NXPH3: variants seen among roughly 807,000 people sequenced by gnomAD.
NXPH3 encodes neurexophilin 3.
NXPH3 carries 7 observed loss-of-function variants against 18.8 expected under a neutral mutation model. The observed-to-expected ratio is 0.37, with a 90% CI of 0.21 to 0.70. The LOEUF is 0.70. NXPH3 is among the 30% of genes least tolerant of loss of function. NXPH3 has a pLI of 0.53. For synonymous variants in NXPH3, 101 were observed against 137.3 expected (o/e 0.74, Z 1.85); for missense variants, 282 against 338.1 (o/e 0.83, Z 1.30).
Position 49,581,716 on chromosome 17 carries a change from G to A in NXPH3, c.*2416G>A, listed in dbSNP as rs1597889402. On this transcript the variant is annotated 3_prime_UTR_variant, in exon 2 of 2. Coordinates refer to ENST00000328741, the MANE Select transcript of NXPH3 (RefSeq NM_007225.4). Reference sequence around the variant, plus strand: ...GTTCAGCCTCCCACAGTGCTGTGGAGACTGCAGGAAGGAGGAGGAAGCAAT... The same window carrying A: ...GTTCAGCCTCCCACAGTGCTGTGGAAACTGCAGGAAGGAGGAGGAAGCAAT... The A allele has an allele frequency of 4.3e-6, 3 of 702,586 alleles. No individual in the cohort carries two copies. The highest frequency in any genetic ancestry group is 5.4e-5 in the East Asian group (2 of 37,284). The allele number at this position is 702,586 out of a possible 1,614,324, so 43.5% of individuals were successfully genotyped here. A position where few individuals can be genotyped will look rare whatever the true frequency, so the allele number is the denominator to read the frequency against.
In NXPH3 at chr17:49,576,095, G is replaced by T. The variant is rs1178644065; in HGVS notation, c.-125G>T. The T allele has an allele frequency of 8.3e-7, 1 of 1,205,752 alleles. No homozygotes were observed. The highest frequency in any genetic ancestry group is 1.5e-5 in the African/African-American group (1 of 66,480). 74.7% of individuals were successfully genotyped at this position (1,205,752 alleles called of 1,614,324 possible). On this transcript the variant is annotated 5_prime_UTR_variant, in exon 1 of 2. Transcript: ENST00000328741. ...GTCGGCCCTGGGCGACCCGCTGAGG[G>T]GAGGGCCGCGGGCCGCCGGGGACTG... is the stretch of plus-strand genomic sequence containing the variant.
chr17:49,576,469 G>A (rs535708482), intron 1 of NXPH3, among the ~76,000 whole-genome samples, 196 bp downstream of exon 1: 1 of 152,110 alleles, frequency 6.6e-6, no homozygotes, highest in South Asian at 2.1e-4. Context: ...GCGGGGAGAG[G>A]GTGCTTGGCT....
chr17:49,576,065 GCGGGGT>G lies in NXPH3; in HGVS notation c.-151_-146del. 1 of 779,018 alleles carries G rather than the reference GCGGGGT, an allele frequency of 1.3e-6. No homozygotes were observed. The highest frequency in any genetic ancestry group is 2.1e-6 in the Non-Finnish European group (1 of 483,576). 48.3% of individuals were successfully genotyped at this position (779,018 alleles called of 1,614,324 possible). A position where few individuals can be genotyped will look rare whatever the true frequency, so the allele number is the denominator to read the frequency against. ...CGGCTGCACAGCTGGACCGAAGGGG[GCGGGGT>G]CGGCCCTGGGCGACCCGCTGAGGGG... On this transcript the variant is annotated 5_prime_UTR_variant, in exon 1 of 2. Transcript: ENST00000328741.
Position 49,578,893 on chromosome 17 carries a change from G to A in NXPH3, c.352G>A (p.Val118Ile), listed in dbSNP as rs146367019. Residue 118 changes from valine to isoleucine, a missense_variant, in exon 2 of 2, where the codon GTC (valine) becomes ATC (isoleucine). By Grantham distance (29) the Val-to-Ile change is conservative (BLOSUM62 3). Transcript: ENST00000328741. The surrounding 1 kb of genome is among the most constrained non-coding windows in gnomAD (Gnocchi z 4.5). ...CAAGACGGTGGCCCTGAACCTGCTCGTCACAGGGAAGATTGTGGACCATGG... is the reference window on the plus strand; with the variant it reads ...CAAGACGGTGGCCCTGAACCTGCTCATCACAGGGAAGATTGTGGACCATGG... ...NIKTVALNLLVTGKIVDHGNG... is the reference protein window; with the variant it reads ...NIKTVALNLLITGKIVDHGNG... 2.9e-5 allele frequency: 47 copies of A among 1,614,100 alleles called. No individual in the cohort carries two copies. The highest frequency in any genetic ancestry group is 2.7e-4 in the African/African-American group (20 of 75,018).
In NXPH3 at chr17:49,580,773, C is replaced by T. The variant is rs1270009797; in HGVS notation, c.*1473C>T. 1 of 152,566 alleles carries T rather than the reference C, an allele frequency of 6.6e-6. No homozygotes were observed. Among genetic ancestry groups the T allele is most frequent in the Non-Finnish European group, 1.5e-5 (1 of 68,286 alleles). 9.5% of individuals were successfully genotyped at this position (152,566 alleles called of 1,614,324 possible). ...CTCTGGCTTTCTTTCTTTGTTTCTT[C>T]CTCTATGACATGAAGGGCTTGCCCA... On this transcript the variant is annotated 3_prime_UTR_variant, in exon 2 of 2. Transcript: ENST00000328741.
In NXPH3 at chr17:49,578,535, T is replaced by G. The variant is rs1346369998; in HGVS notation, c.55-61T>G. 1 of 1,329,634 alleles carries G rather than the reference T, an allele frequency of 7.5e-7. No individual in the cohort carries two copies. Among genetic ancestry groups the G allele is most frequent in the Non-Finnish European group, 1.0e-6 (1 of 973,416 alleles). The allele number at this position is 1,329,634 out of a possible 1,614,324, so 82.4% of individuals were successfully genotyped here. On this transcript the variant is annotated intron_variant, in intron 1 of 1. Transcript: ENST00000328741. The surrounding 1 kb of genome is among the most constrained non-coding windows in gnomAD (Gnocchi z 4.5). ...GTGGCAGGGACAGGGGTACTGCTGG[T>G]AGCGGGGGTGGTGGACCTCCAGGGA...
chr17:49,581,873 CG>C lies in NXPH3; in HGVS notation c.*2575del. On this transcript the variant is annotated 3_prime_UTR_variant, in exon 2 of 2. Coordinates refer to ENST00000328741, the MANE Select transcript of NXPH3 (RefSeq NM_007225.4). ...AGATGCTGGCGACAGCTGGAGGGCC[CG>C]GCCTTCCTGGCACACAGTTCTGCCT... 1 of 671,304 alleles carries C rather than the reference CG, an allele frequency of 1.5e-6. No individual in the cohort carries two copies. The highest frequency in any genetic ancestry group is 2.7e-6 in the Non-Finnish European group (1 of 371,966). 41.6% of individuals were successfully genotyped at this position (671,304 alleles called of 1,614,324 possible). A position where few individuals can be genotyped will look rare whatever the true frequency, so the allele number is the denominator to read the frequency against.
rs1424893826 is a variant in NXPH3 at position 49,581,877 on chromosome 17, C to A, written c.*2577C>A. ...GCTGGCGACAGCTGGAGGGCCCGGCCTTCCTGGCACACAGTTCTGCCTGCA... is the reference window on the plus strand; with the variant it reads ...GCTGGCGACAGCTGGAGGGCCCGGCATTCCTGGCACACAGTTCTGCCTGCA... On this transcript the variant is annotated 3_prime_UTR_variant, in exon 2 of 2. Transcript: ENST00000328741. 4.5e-6 allele frequency: 3 copies of A among 668,086 alleles called. No homozygotes were observed. Among genetic ancestry groups the A allele is most frequent in the East Asian group, 5.4e-5 (2 of 37,096 alleles). 41.4% of individuals were successfully genotyped at this position (668,086 alleles called of 1,614,324 possible).
intron 1 of NXPH3, chr17:49,577,797 T>A (rs987524589): frequency 2.6e-5 from 4 of 152,242 alleles, no homozygotes; most frequent in African/African-American, 7.2e-5. Context: ...TCGTGGCATG[T>A]CATCATCAGT....
Position 49,579,419 on chromosome 17 carries a change from CG to C in NXPH3, c.*120del, listed in dbSNP as rs2071589216. The C allele has an allele frequency of 1.2e-6, 1 of 851,390 alleles. No individual in the cohort carries two copies. The highest frequency in any genetic ancestry group is 1.7e-5 in the African/African-American group (1 of 58,760). The allele number at this position is 851,390 out of a possible 1,614,324, so 52.7% of individuals were successfully genotyped here. A position where few individuals can be genotyped will look rare whatever the true frequency, so the allele number is the denominator to read the frequency against. ...CCTCAGGCAGGGAGGGGGGTGGAGACGAGGAGATGCCAAGTGGGGCCAGGGC... is the reference window on the plus strand; with the variant it reads ...CCTCAGGCAGGGAGGGGGGTGGAGACAGGAGATGCCAAGTGGGGCCAGGGC... On this transcript the variant is annotated 3_prime_UTR_variant, in exon 2 of 2. Transcript: ENST00000328741. This position sits in a 1 kb window ranked among gnomAD's most constrained non-coding sequence, Gnocchi z 6.0.
Position 49,579,120 on chromosome 17 carries a change from C to G in NXPH3, c.579C>G (p.His193Gln). 1 of 1,614,024 alleles carries G rather than the reference C, an allele frequency of 6.2e-7. No individual in the cohort carries two copies. The highest frequency in any genetic ancestry group is 8.5e-7 in the Non-Finnish European group (1 of 1,180,040). ...ERGRRTSLCT[H>Q]DPAKICSRDH... ...GCCGCCGGACCTCGCTTTGCACCCA[C>G]GACCCAGCCAAGATCTGCTCCCGAG... is the stretch of plus-strand genomic sequence containing the variant. Residue 193 changes from histidine (H) to glutamine (Q), a missense_variant, in exon 2 of 2, where the codon CAC becomes CAG. Physicochemically the swap from His to Gln is conservative, Grantham distance 24. Coordinates refer to ENST00000328741, the MANE Select transcript of NXPH3 (RefSeq NM_007225.4). The surrounding 1 kb of genome is among the most constrained non-coding windows in gnomAD (Gnocchi z 6.0).
Position 49,583,449 on chromosome 17 carries a change from C to G in NXPH3, c.*4149C>G, listed in dbSNP as rs529499165. 1 of 152,272 alleles carries G rather than the reference C, an allele frequency of 6.6e-6. No homozygotes were observed. The highest frequency in any genetic ancestry group is 2.1e-4 in the South Asian group (1 of 4,836). 9.4% of individuals were successfully genotyped at this position (152,272 alleles called of 1,614,324 possible). On this transcript the variant is annotated 3_prime_UTR_variant, in exon 2 of 2. Transcript: ENST00000328741. Reference sequence around the variant, plus strand: ...CACAAATGCCAGCAGAGACCTGGCACTCACCTGGGTTGTGATTCCATAGGG... The same window carrying G: ...CACAAATGCCAGCAGAGACCTGGCAGTCACCTGGGTTGTGATTCCATAGGG...
intron 1 of NXPH3, among the ~76,000 whole-genome samples, chr17:49,576,771 T>A (rs1457906871): frequency 1.3e-5 from 1 of 75,342 alleles, no homozygotes; most frequent in Non-Finnish European, 2.5e-5. Flanking sequence ...CCTCCCCGCC[T>A]GTTGTTTTCC....
chr17:49,578,925 G>A lies in NXPH3; in HGVS notation c.384G>A (p.Gly128=). The A allele has an allele frequency of 6.2e-7, 1 of 1,614,184 alleles. No homozygotes were observed. The highest frequency in any genetic ancestry group is 8.5e-7 in the Non-Finnish European group (1 of 1,180,042). ...GGAAGATTGTGGACCATGGCAATGGGACCTTCAGCGTCCACTTCCAACACA... is the reference window on the plus strand; with the variant it reads ...GGAAGATTGTGGACCATGGCAATGGAACCTTCAGCGTCCACTTCCAACACA... ...VTGKIVDHGN[G]TFSVHFQHNA... The change falls in exon 2 of 2, where the codon GGG becomes GGA. Residue 128 remains glycine (G), a synonymous_variant. Transcript: ENST00000328741. The surrounding 1 kb of genome is among the most constrained non-coding windows in gnomAD (Gnocchi z 4.5).
chr17:49,581,719 T>G lies in NXPH3; in HGVS notation c.*2419T>G, dbSNP rs1310948362. 1 of 702,570 alleles carries G rather than the reference T, an allele frequency of 1.4e-6. No individual in the cohort carries two copies. 43.5% of individuals were successfully genotyped at this position (702,570 alleles called of 1,614,324 possible). A position where few individuals can be genotyped will look rare whatever the true frequency, so the allele number is the denominator to read the frequency against. On this transcript the variant is annotated 3_prime_UTR_variant, in exon 2 of 2. Coordinates refer to ENST00000328741, the MANE Select transcript of NXPH3 (RefSeq NM_007225.4). ...CAGCCTCCCACAGTGCTGTGGAGAC[T>G]GCAGGAAGGAGGAGGAAGCAATGGG...
chr17:49,580,566 C>T lies in NXPH3; in HGVS notation c.*1266C>T, dbSNP rs367938938. 2 of 152,292 alleles carry T rather than the reference C, an allele frequency of 1.3e-5. No individual in the cohort carries two copies. The highest frequency in any genetic ancestry group is 2.9e-5 in the Non-Finnish European group (2 of 68,112). The allele number at this position is 152,292 out of a possible 1,614,324, so 9.4% of individuals were successfully genotyped here. Reference sequence around the variant, plus strand: ...CCCACGAGGAAACTTGAGCAAACACCCTGGGCTCGGTGCTGGAGGAGGGCG... The same window carrying T: ...CCCACGAGGAAACTTGAGCAAACACTCTGGGCTCGGTGCTGGAGGAGGGCG... On this transcript the variant is annotated 3_prime_UTR_variant, in exon 2 of 2. Coordinates refer to ENST00000328741, the MANE Select transcript of NXPH3 (RefSeq NM_007225.4).
At position 49,581,819 on chromosome 17, in the gene NXPH3, C is replaced by G. The variant is rs2071602183; in HGVS notation, c.*2519C>G. The stretch of plus-strand genomic sequence containing the variant: ...AGGCACTGGGGGCACTTTGACCCCC[C>G]TCCTGCTCCTCTCCTCCTGTGGAGA... On this transcript the variant is annotated 3_prime_UTR_variant, in exon 2 of 2. Coordinates refer to ENST00000328741, the MANE Select transcript of NXPH3 (RefSeq NM_007225.4). 2 of 701,118 alleles carry G rather than the reference C, an allele frequency of 2.9e-6. No individual in the cohort carries two copies. Among genetic ancestry groups the G allele is most frequent in the African/African-American group, 3.5e-5 (2 of 57,260 alleles). 43.4% of individuals were successfully genotyped at this position (701,118 alleles called of 1,614,324 possible).
rs575578943 is a variant in NXPH3, at chr17:49,582,013, C to G, written c.*2713C>G. Reference sequence around the variant, plus strand: ...TGGCTGCTCTCCTCAGCTAGGACTTCGCTAACAGATTTCCTCCCAAACCTT... The same window carrying G: ...TGGCTGCTCTCCTCAGCTAGGACTTGGCTAACAGATTTCCTCCCAAACCTT... On this transcript the variant is annotated 3_prime_UTR_variant, in exon 2 of 2. Transcript: ENST00000328741. 2 of 592,096 alleles carry G rather than the reference C, an allele frequency of 3.4e-6. No individual in the cohort carries two copies. The highest frequency in any genetic ancestry group is 3.1e-5 in the Admixed American group (1 of 31,814). The allele number at this position is 592,096 out of a possible 1,614,324, so 36.7% of individuals were successfully genotyped here.
At position 49,579,410 on chromosome 17, in the gene NXPH3, G is replaced by C. The variant is rs887904579; in HGVS notation, c.*110G>C. The C allele has an allele frequency of 1.6e-5, 15 of 959,260 alleles. No individual in the cohort carries two copies. The highest frequency in any genetic ancestry group is 5.3e-5 in the Admixed American group (2 of 38,050). 59.4% of individuals were successfully genotyped at this position (959,260 alleles called of 1,614,324 possible). ...GGGGTTGGGCCTCAGGCAGGGAGGG[G>C]GGTGGAGACGAGGAGATGCCAAGTG... is the stretch of plus-strand genomic sequence containing the variant. On this transcript the variant is annotated 3_prime_UTR_variant, in exon 2 of 2. Coordinates refer to ENST00000328741, the MANE Select transcript of NXPH3 (RefSeq NM_007225.4). The surrounding 1 kb of genome is among the most constrained non-coding windows in gnomAD (Gnocchi z 6.0).
Sources: gnomAD v4.1 joint callset for allele counts (sites outside exome capture counted in the v4.1 genomes callset) on GRCh38, gnomAD v4.1.1 for gene constraint, Gnocchi (gnomAD v3.1) non-coding constraint, MANE v1.5 for transcripts, NCBI Gene and HGNC (gene_info 2026-07-23, HGNC 2026-07-21) for gene names.